The following DAZL variants were observed in gnomAD, a reference collection of about 807,000 sequenced individuals.
DAZL encodes the protein deleted in azoospermia like.
Under a neutral mutation model 45.0 loss-of-function variants are expected in DAZL, and 4 were observed. The observed-to-expected ratio is 0.09, with a 90% CI of 0.04 to 0.20. The LOEUF is 0.20. DAZL is among the 10% of genes least tolerant of loss of function. DAZL has a pLI of 1.00. For missense variants in DAZL, 326 were observed against 351.3 expected (o/e 0.93, Z 0.58); for synonymous variants, 122 against 112.4 (o/e 1.09, Z -0.54).
intron 1 of DAZL, chr3:16,604,715 G>C (rs1262455185): frequency 7.3e-6 from 10 of 1,360,842 alleles, no homozygotes; most frequent in Non-Finnish European, 9.4e-6. Flanking sequence ...TCCCTCAGCA[G>C]GCCCGCCGCC....
At chr3:16,597,439 C>A in intron 4 of DAZL, 51 bp downstream of exon 4, 1 of 1,167,538 alleles carries the variant, frequency 8.6e-7, no homozygotes, top group Non-Finnish European at 1.3e-6. Flanking sequence ...TCACTTGACA[C>A]TAAACATTGT....
At position 16,593,734 on chromosome 3, in the gene DAZL, A is replaced by G. The variant is rs760124417; in HGVS notation, c.656T>C (p.Val219Ala). ...TGGCACAACTTCAGCTCCTGGATCA[A>G]CTTCATTACAGTGGTAGTTAACAGC... ...YSAVNYHCNE[V>A]DPGAEVVPNE... is the part of the protein sequence containing the mutation. Residue 219 changes from valine to alanine, a missense_variant, in exon 9 of 11, where the codon GTT becomes GCT. Physicochemically the swap from Val to Ala is moderately conservative, Grantham distance 64 (BLOSUM62 0). Around this residue, in one of 3 missense-constraint regions of DAZL, gnomAD observed 227 missense variants for 216.6 expected, o/e 1.05. Transcript: ENST00000399444. The G allele has an allele frequency of 2.5e-6, 4 of 1,612,424 alleles. No homozygotes were observed. In the Admixed American group the frequency reaches 5.0e-5, roughly 20 times the overall value.
At chr3:16,598,747 A>C in intron 1 of DAZL, 149 bp from the exon 2 acceptor site, 8 of 1,010,416 alleles carry the variant, frequency 7.9e-6, no homozygotes, top group Non-Finnish European at 1.0e-5. Flanking sequence ...TAAACTTATC[A>C]GAGTAGATCA....
At chr3:16,603,226 T>G (rs1350215410) in intron 1 of DAZL, among the ~76,000 whole-genome samples, 2 of 152,192 alleles carry the variant, frequency 1.3e-5, no homozygotes, top group African/African-American at 2.4e-5. Flanking sequence ...TAATGAGGGG[T>G]GTAACTTAAA....
chr3:16,605,166 C>T (rs530931420), intron 1 of DAZL, 37 bp downstream of exon 1: 3 of 1,613,856 alleles, frequency 1.9e-6, no homozygotes, highest in Middle Eastern at 1.6e-4. Context: ...GTGAAGACTC[C>T]GCCAGCCTTG....
intron 1 of DAZL, among the ~76,000 whole-genome samples, chr3:16,598,818 T>A (rs1200959958): frequency 2.0e-5 from 3 of 150,890 alleles, no homozygotes; most frequent in African/African-American, 7.3e-5. Context: ...AGTCTCGCCC[T>A]TGTCACCCAG....
Position 16,598,510 on chromosome 3 carries a change from A to G in DAZL, c.92T>C (p.Ile31Thr), listed in dbSNP as rs1306216265. 1 of 1,608,642 alleles carries G rather than the reference A, an allele frequency of 6.2e-7. No homozygotes were observed. The highest frequency in any genetic ancestry group is 8.5e-7 in the Non-Finnish European group (1 of 1,179,118). ...TGGCATGATTTTGCCTTCTGGTAAA[A>G]TATAGCCTTGGCTGGTTGCAGCTGA... Reference protein sequence around the residue: ...SSSAATSQGYILPEGKIMPNT... With the variant: ...SSSAATSQGYTLPEGKIMPNT... The change falls in exon 2 of 11, where the codon ATT (isoleucine) becomes ACT (threonine). Residue 31 changes from isoleucine (I) to threonine (T), a missense_variant. Coordinates refer to ENST00000399444, the MANE Select transcript of DAZL (RefSeq NM_001351.4).
At chr3:16,602,897 T>C (rs1022987939) in intron 1 of DAZL, among the ~76,000 whole-genome samples, 1 of 152,220 alleles carries the variant, frequency 6.6e-6, no homozygotes, top group African/African-American at 2.4e-5. Flanking sequence ...TATGTATTTT[T>C]TTCCACTATG....
At chr3:16,597,763 T>A (rs988896555) in intron 3 of DAZL, among the ~76,000 whole-genome samples, 4 of 152,200 alleles carry the variant, frequency 2.6e-5, no homozygotes, top group African/African-American at 9.6e-5. Context: ...CTTCATTGAT[T>A]AACAAAGAAT....
chr3:16,598,407 A>G (rs1028541733), intron 2 of DAZL, 45 bp downstream of exon 2: 10 of 1,598,064 alleles, frequency 6.3e-6, no homozygotes, highest in Non-Finnish European at 8.5e-6. Flanking sequence ...AAATCCCATT[A>G]TTCATAATGC....
intron 1 of DAZL, among the ~76,000 whole-genome samples, chr3:16,601,652 G>A (rs1034659437): frequency 3.9e-5 from 6 of 152,122 alleles, no homozygotes; most frequent in African/African-American, 1.4e-4. Flanking sequence ...AAGTACCATC[G>A]TAACTGTCAA....
chr3:16,602,634 T>A (rs1016293094), intron 1 of DAZL, among the ~76,000 whole-genome samples: 2 of 152,222 alleles, frequency 1.3e-5, no homozygotes, highest in African/African-American at 4.8e-5. Context: ...TCCAGCAGTA[T>A]ATAAAGAATA....
rs768683771 is a variant in DAZL, at chr3:16,604,520, C to T, written c.3+683G>A. ...GCCGCCATCAGCAAGTCCCCCGCAGCTGACAGGCGCGAGGGGACCAGAGGC... is the reference window on the plus strand; with the variant it reads ...GCCGCCATCAGCAAGTCCCCCGCAGTTGACAGGCGCGAGGGGACCAGAGGC... On this transcript the variant is annotated intron_variant, in intron 1 of 10. Transcript: ENST00000399444. The T allele has an allele frequency of 9.8e-5, 148 of 1,506,672 alleles. 1 individual carries two copies. Among genetic ancestry groups the T allele is most frequent in the East Asian group, 2.0e-4 (8 of 40,126 alleles). The allele number at this position is 1,506,672 out of a possible 1,614,324, so 93.3% of individuals were successfully genotyped here.
intron 1 of DAZL, 96 bp from the exon 2 acceptor site, chr3:16,598,694 T>C: frequency 7.9e-7 from 1 of 1,268,774 alleles, no homozygotes; most frequent in Admixed American, 2.8e-5. Context: ...TAAAATATTT[T>C]ATATAAATTA....
chr3:16,603,376 C>T (rs1313371521), intron 1 of DAZL, among the ~76,000 whole-genome samples: 3 of 151,482 alleles, frequency 2.0e-5, no homozygotes, highest in Admixed American at 6.6e-5. Context: ...GACTGAGCCT[C>T]CCCTCTTTGT....
chr3:16,596,704 G>A (rs1436320724), intron 6 of DAZL, 46 bp downstream of exon 6: 10 of 1,601,006 alleles, frequency 6.2e-6, no homozygotes, highest in East Asian at 4.5e-5. Context: ...CAGAAGGTAC[G>A]ATGACTACAA....
intron 5 of DAZL, 37 bp from the exon 6 acceptor site, chr3:16,596,926 T>A: frequency 1.2e-6 from 2 of 1,613,582 alleles, no homozygotes; most frequent in Non-Finnish European, 1.7e-6. Flanking sequence ...CTATTTTTAG[T>A]TCTTTGAAAA....
At chr3:16,589,860 C>G (rs1443613962) in intron 10 of DAZL, among the ~76,000 whole-genome samples, 1 of 149,206 alleles carries the variant, frequency 6.7e-6, no homozygotes, top group Non-Finnish European at 1.5e-5. Flanking sequence ...CCCAGGAGTT[C>G]AAGACCAGCC....
At chr3:16,603,606 TAA>T (rs1168370291) in intron 1 of DAZL, among the ~76,000 whole-genome samples, 1 of 152,140 alleles carries the variant, frequency 6.6e-6, no homozygotes, top group African/African-American at 2.4e-5. Context: ...CTCAGCCTCC[TAA>T]AGAGATTGAT....
Sources: allele counts gnomAD v4.1 joint callset (sites outside exome capture counted in the v4.1 genomes callset), GRCh38; gene constraint gnomAD v4.1.1; regional missense constraint gnomAD v4.1.1; transcripts MANE v1.5; gene names NCBI Gene and HGNC (gene_info 2026-07-23, HGNC 2026-07-21).